Variants in CORIN observed in about 807,000 individuals in gnomAD.
CORIN encodes the protein atrial natriuretic peptide-converting enzyme.
CORIN carries 117 observed loss-of-function variants against 125.3 expected under a neutral mutation model. The ratio of observed to expected loss-of-function variants is 0.93; its 90% CI spans 0.80 to 1.09. The LOEUF (loss-of-function observed/expected upper bound fraction) is 1.09, where lower values mean the gene tolerates loss of function less well. Among genes scored for constraint, CORIN ranks in the 50% least tolerant of loss-of-function variants. The probability of loss-of-function intolerance (pLI) is 0.00; values close to 1 mark genes in which losing one functional copy is unlikely to be tolerated. For missense variants in CORIN, 1,253 were observed against 1,306.7 expected (o/e 0.96, Z 0.63); for synonymous variants, 450 against 466.4 (o/e 0.96, Z 0.45).
chr4:47,807,969 T>A (rs1230824240), intron 1 of CORIN, among the ~76,000 whole-genome samples: 2 of 152,232 alleles, frequency 1.3e-5, no homozygotes, highest in East Asian at 3.8e-4. Flanking sequence ...GAACTTGAAC[T>A]ATAACCTCAG....
intron 13 of CORIN, among the ~76,000 whole-genome samples, chr4:47,651,999 C>A (rs1040014689): frequency 6.6e-6 from 1 of 152,164 alleles, no homozygotes; most frequent in Non-Finnish European, 1.5e-5. Flanking sequence ...ATCATGCAAC[C>A]TCTTTGAACC....
At chr4:47,611,638 G>A (rs558972811) in intron 19 of CORIN, among the ~76,000 whole-genome samples, 123 of 152,316 alleles carry the variant, frequency 8.1e-4, no homozygotes, top group Non-Finnish European at 1.5e-3. Flanking sequence ...GTGTTGAATA[G>A]GAGTGGTAAG....
chr4:47,785,455 C>T (rs1437043923), intron 3 of CORIN, among the ~76,000 whole-genome samples: 1 of 152,234 alleles, frequency 6.6e-6, no homozygotes, highest in African/African-American at 2.4e-5. Flanking sequence ...GAATAACTAA[C>T]AAATCCTTCC....
In CORIN at chr4:47,793,612, A is replaced by G. The variant is rs755029756; in HGVS notation, c.209-6687T>C. ...AAAGCATTGCTGGCACCAACTAACAATGAACATTCTTACCATGAATTGATG... is the reference window on the plus strand; with the variant it reads ...AAAGCATTGCTGGCACCAACTAACAGTGAACATTCTTACCATGAATTGATG... On this transcript the variant is annotated intron_variant, in intron 2 of 21. Transcript: ENST00000273857. 2.4e-4 allele frequency among the ~76,000 whole-genome samples: 37 copies of G among 152,214 alleles called. 1 individual carries two copies. Among genetic ancestry groups the G allele is most frequent in the Non-Finnish European group, 4.7e-4 (32 of 68,036 alleles).
intron 6 of CORIN, 73 bp downstream of exon 6, chr4:47,692,897 A>G (rs1725830372): frequency 8.6e-7 from 1 of 1,164,246 alleles, no homozygotes; most frequent in Non-Finnish European, 1.3e-6. Context: ...AGCAGTCTAC[A>G]CAAATGCTGA....
At chr4:47,634,444 A>G (rs11932585) in intron 16 of CORIN, among the ~76,000 whole-genome samples, 39,658 of 151,946 alleles carry the variant, frequency 0.26, 5,381 homozygotes, top group Admixed American at 0.36. Flanking sequence ...GACCAGCCTG[A>G]TCTACATGGT....
chr4:47,821,933 A>G (rs2109976574), intron 1 of CORIN, among the ~76,000 whole-genome samples: 1 of 152,302 alleles, frequency 6.6e-6, no homozygotes, highest in Admixed American at 6.5e-5. Flanking sequence ...AAGGAAACAC[A>G]ATTAAGAATT....
intron 21 of CORIN, among the ~76,000 whole-genome samples, chr4:47,599,293 C>A (rs1721362531): frequency 6.6e-6 from 1 of 152,170 alleles, no homozygotes; most frequent in Non-Finnish European, 1.5e-5. Context: ...CCCATGACAA[C>A]TATCTAAGGA....
chr4:47,785,667 A>G (rs1181669431), intron 3 of CORIN, among the ~76,000 whole-genome samples: 1 of 152,138 alleles, frequency 6.6e-6, no homozygotes, highest in Non-Finnish European at 1.5e-5. Flanking sequence ...TAATCCCAGC[A>G]CTTTGGGAGG....
At chr4:47,618,037 A>G (rs1722136634) in intron 19 of CORIN, among the ~76,000 whole-genome samples, 1 of 150,646 alleles carries the variant, frequency 6.6e-6, no homozygotes, top group Non-Finnish European at 1.5e-5. Flanking sequence ...GCATAGACAT[A>G]GGATTAGAAA....
At chr4:47,726,551 G>A (rs940305875) in intron 5 of CORIN, among the ~76,000 whole-genome samples, 2 of 152,046 alleles carry the variant, frequency 1.3e-5, no homozygotes, top group African/African-American at 4.8e-5. Flanking sequence ...GTGTGGTTTT[G>A]GCCATAAAGG....
intron 7 of CORIN, 43 bp from the exon 8 acceptor site, chr4:47,680,294 A>G (rs1471863697): frequency 7.1e-7 from 1 of 1,411,578 alleles, no homozygotes; most frequent in African/African-American, 1.4e-5. Flanking sequence ...AACCAGCATG[A>G]CTAACAGGCA....
intron 2 of CORIN, among the ~76,000 whole-genome samples, chr4:47,799,324 G>A (rs1731432943): frequency 6.6e-6 from 1 of 152,126 alleles, no homozygotes; most frequent in Admixed American, 6.5e-5. Context: ...TCAAATGGTA[G>A]TTCCATTTGA....
At chr4:47,607,697 T>C (rs1233720651) in intron 19 of CORIN, among the ~76,000 whole-genome samples, 1 of 152,070 alleles carries the variant, frequency 6.6e-6, no homozygotes, top group Non-Finnish European at 1.5e-5. Context: ...TCAGGAGTAA[T>C]GGCAAAGACA....
chr4:47,626,302 G>A (rs1722560194), intron 17 of CORIN, 103 bp downstream of exon 17: 2 of 739,724 alleles, frequency 2.7e-6, no homozygotes, highest in African/African-American at 1.7e-5. Context: ...TTACTGATAT[G>A]ACAAATTTGG....
At chr4:47,630,834 T>G (rs1057472992) in intron 16 of CORIN, among the ~76,000 whole-genome samples, 2 of 152,150 alleles carry the variant, frequency 1.3e-5, no homozygotes, top group Non-Finnish European at 2.9e-5. Context: ...CATCCCCAGA[T>G]TTTCTGATTC....
chr4:47,655,339 G>T (rs1723923290), intron 12 of CORIN, among the ~76,000 whole-genome samples: 1 of 152,258 alleles, frequency 6.6e-6, no homozygotes, highest in African/African-American at 2.4e-5. Context: ...TACCAGGCTT[G>T]GCCACAGCGG....
rs765040553 is a variant in CORIN, at chr4:47,763,593, A to C, written c.410-7T>G. 1.9e-5 allele frequency: 31 copies of C among 1,612,594 alleles called. No homozygotes were observed. Among genetic ancestry groups the C allele is most frequent in the Non-Finnish European group, 2.3e-5 (27 of 1,178,718 alleles). On this transcript the variant is annotated splice_polypyrimidine_tract_variant and splice_region_variant and intron_variant, in intron 3 of 21. Coordinates refer to ENST00000273857, the MANE Select transcript of CORIN (RefSeq NM_006587.4). ...GTGATGTTCATACAGGCACCTGGGAAGTAAAGACATGCACATTTAAGAGTG... is the reference window on the plus strand; with the variant it reads ...GTGATGTTCATACAGGCACCTGGGACGTAAAGACATGCACATTTAAGAGTG...
chr4:47,733,660 T>C (rs1727989744), intron 5 of CORIN, among the ~76,000 whole-genome samples: 1 of 152,232 alleles, frequency 6.6e-6, no homozygotes, highest in African/African-American at 2.4e-5. Context: ...AAGCTCAGCA[T>C]GATTGATAGG....
Sources: gnomAD v4.1 joint callset for allele counts (sites outside exome capture counted in the v4.1 genomes callset) on GRCh38, gnomAD v4.1.1 for gene constraint, MANE v1.5 for transcripts, NCBI Gene and HGNC (gene_info 2026-07-23, HGNC 2026-07-21) for gene names.